The following ARID1B variants were observed in gnomAD, a reference collection of about 807,000 sequenced individuals.
ARID1B encodes AT-rich interactive domain-containing protein 1B.
In ARID1B, 30 loss-of-function variants were observed where a neutral mutation model predicts 212.3. The ratio of observed to expected loss-of-function variants is 0.14; its 90% CI spans 0.11 to 0.19. The LOEUF is 0.19. Ranked by LOEUF, ARID1B falls within the 10% of genes least tolerant of loss-of-function variation. The pLI is 1.00. For synonymous variants in ARID1B, 1,402 were observed against 1,301.7 expected (o/e 1.08, Z -1.66); for missense variants, 2,891 against 3,204.0 (o/e 0.90, Z 2.36).
intron 3 of ARID1B, among the ~76,000 whole-genome samples, chr6:156,921,608 C>G (rs1038711864): frequency 2.0e-5 from 3 of 152,052 alleles, no homozygotes; most frequent in Admixed American, 1.3e-4. Flanking sequence ...TAATTGGATG[C>G]TAAGTTCTTT....
At chr6:156,838,639 A>C (rs1305237555) in intron 2 of ARID1B, among the ~76,000 whole-genome samples, 1 of 151,914 alleles carries the variant, frequency 6.6e-6, no homozygotes, top group Non-Finnish European at 1.5e-5. Flanking sequence ...GGGTGCAGCA[A>C]ACCAACATGG....
chr6:156,952,465 G>C (rs1793659107), intron 4 of ARID1B, among the ~76,000 whole-genome samples: 1 of 152,234 alleles, frequency 6.6e-6, no homozygotes, highest in African/African-American at 2.4e-5. Flanking sequence ...GCTAGCAGGG[G>C]TGGTGGGGAC....
chr6:156,877,452 T>C (rs2128159454), intron 2 of ARID1B, among the ~76,000 whole-genome samples: 1 of 152,330 alleles, frequency 6.6e-6, no homozygotes, highest in South Asian at 2.1e-4. Flanking sequence ...GGTGTCTCTT[T>C]CTCCGTGCTT....
chr6:157,048,900 G>A (rs1199708723), intron 4 of ARID1B, among the ~76,000 whole-genome samples: 3 of 152,170 alleles, frequency 2.0e-5, no homozygotes, highest in East Asian at 1.9e-4. Context: ...AAGGCCAGGC[G>A]CAGTGGCTCA....
At position 156,971,315 on chromosome 6, in the gene ARID1B, T is replaced by C. The variant is rs540523796; in HGVS notation, c.2247+35739T>C. On this transcript the variant is annotated intron_variant, in intron 4 of 19. Transcript: ENST00000636930. Reference sequence around the variant, plus strand: ...AACCAATTGAACAAAGAGCTCAGCATAGTGCCTTAATCAATTTAGTCCCAT... The same window carrying C: ...AACCAATTGAACAAAGAGCTCAGCACAGTGCCTTAATCAATTTAGTCCCAT... 4.6e-5 allele frequency among the ~76,000 whole-genome samples: 7 copies of C among 152,362 alleles called. No homozygotes were observed. In the South Asian group the frequency reaches 1.4e-3, roughly 32 times the overall value.
At chr6:157,179,746 G>A (rs890931413) in intron 11 of ARID1B, among the ~76,000 whole-genome samples, 2 of 152,218 alleles carry the variant, frequency 1.3e-5, no homozygotes, top group Admixed American at 6.5e-5. Flanking sequence ...TAAAGGGAAA[G>A]CGGCGGCCTC....
rs748455551 is a variant in ARID1B at position 157,203,384 on chromosome 6, G to T, written c.5264-482G>T. Among the ~76,000 whole-genome samples, 1 of 152,248 alleles carries T rather than the reference G, an allele frequency of 6.6e-6. No homozygotes were observed. Among genetic ancestry groups the T allele is most frequent in the Non-Finnish European group, 1.5e-5 (1 of 68,050 alleles). On this transcript the variant is annotated intron_variant, in intron 18 of 19. Transcript: ENST00000636930. The surrounding 1 kb of genome is among the most constrained non-coding windows in gnomAD (Gnocchi z 4.4). ...AAGCAGCCTGGGAAGCCAAGGCCGT[G>T]TGTCTGAGGAGGCTGTCTTGGAGTT...
At chr6:156,834,456 G>A (rs1236652992) in intron 2 of ARID1B, among the ~76,000 whole-genome samples, 6 of 152,074 alleles carry the variant, frequency 3.9e-5, no homozygotes, top group African/African-American at 1.2e-4. Flanking sequence ...GCACATGTAC[G>A]CTCCCACATG....
At chr6:156,834,572 A>G (rs140777863) in intron 2 of ARID1B, among the ~76,000 whole-genome samples, 25 of 152,368 alleles carry the variant, frequency 1.6e-4, no homozygotes, top group African/African-American at 4.6e-4. Flanking sequence ...ATACATATAT[A>G]AACACACAAA....
chr6:156,833,196 A>G (rs1240462341), intron 2 of ARID1B, among the ~76,000 whole-genome samples: 1 of 152,118 alleles, frequency 6.6e-6, no homozygotes, highest in Non-Finnish European at 1.5e-5. Context: ...GGTTACTAGA[A>G]TCTGACTCTG....
Position 157,198,883 on chromosome 6 carries a change from G to T in ARID1B, c.4455G>T (p.Gln1485His). ...GACAGCCGCCGTATGGAGGGCACCAGCCCGGCCTGTACCCACAGCAGCCGG... is the reference window on the plus strand; with the variant it reads ...GACAGCCGCCGTATGGAGGGCACCATCCCGGCCTGTACCCACAGCAGCCGG... ...PSGQPPYGGH[Q>H]PGLYPQQPNY... The change falls in exon 17 of 20, where the codon CAG (glutamine) becomes CAT (histidine). Residue 1485 changes from glutamine to histidine, a missense_variant. Around this residue, in one of 7 missense-constraint regions of ARID1B, gnomAD observed 666 missense variants for 873.5 expected, o/e 0.76. Coordinates refer to ENST00000636930, the MANE Select transcript of ARID1B (RefSeq NM_001374828.1). 1 of 1,607,312 alleles carries T rather than the reference G, an allele frequency of 6.2e-7. No individual in the cohort carries two copies. The highest frequency in any genetic ancestry group is 1.3e-5 in the African/African-American group (1 of 75,018).
intron 4 of ARID1B, among the ~76,000 whole-genome samples, chr6:156,984,230 G>C (rs1327286847): frequency 1.3e-5 from 2 of 152,174 alleles, no homozygotes; most frequent in African/African-American, 4.8e-5. Context: ...GTCCGGTGCA[G>C]CTCCAGAATG....
Position 156,905,250 on chromosome 6 carries a change from G to GCGCGCACACACACA in ARID1B, c.2136+3726_2136+3727insGCGCACACACACAC, listed in dbSNP as rs1554265935. Among the ~76,000 whole-genome samples, 153 of 143,838 alleles carry GCGCGCACACACACA rather than the reference G, an allele frequency of 1.1e-3. 1 individual carries two copies. The highest frequency in any genetic ancestry group is 3.8e-3 in the African/African-American group (144 of 38,316). The allele number at this position is 143,838 out of a possible 152,430, so 94.4% of individuals were successfully genotyped here. On this transcript the variant is annotated intron_variant, in intron 3 of 19. Coordinates refer to ENST00000636930, the MANE Select transcript of ARID1B (RefSeq NM_001374828.1). The stretch of plus-strand genomic sequence containing the variant: ...GAATCAATTGTGCTCACATATGCAC[G>GCGCGCACACACACA]CACACACACACACACACACACACAC...
At chr6:156,878,092 C>T (rs1430916285) in intron 2 of ARID1B, among the ~76,000 whole-genome samples, 3 of 152,068 alleles carry the variant, frequency 2.0e-5, no homozygotes, top group South Asian at 2.1e-4. Flanking sequence ...CTTGATCAGG[C>T]GGTTGCCCTT....
At chr6:156,788,054 G>A (rs1176899652) in intron 1 of ARID1B, among the ~76,000 whole-genome samples, 2 of 152,014 alleles carry the variant, frequency 1.3e-5, no homozygotes, top group African/African-American at 4.8e-5. Context: ...CTCATTCTCT[G>A]CCTGGTCCTG....
At chr6:156,795,750 C>T (rs1352466263) in intron 1 of ARID1B, among the ~76,000 whole-genome samples, 1 of 152,126 alleles carries the variant, frequency 6.6e-6, no homozygotes, top group East Asian at 1.9e-4. Flanking sequence ...AGACCCTCTG[C>T]GCCCTTCCTT....
chr6:157,085,614 C>G (rs1259601022), intron 5 of ARID1B, among the ~76,000 whole-genome samples: 1 of 152,072 alleles, frequency 6.6e-6, no homozygotes, highest in Admixed American at 6.5e-5. Flanking sequence ...AACTAGCTTT[C>G]CTTTATCACC....
intron 1 of ARID1B, among the ~76,000 whole-genome samples, chr6:156,795,342 G>A (rs2115257490): frequency 6.6e-6 from 1 of 152,256 alleles, no homozygotes; most frequent in Non-Finnish European, 1.5e-5. Flanking sequence ...AATAAGGGAA[G>A]GGAGGCCGGA....
At chr6:156,787,749 T>C (rs1779741043) in intron 1 of ARID1B, among the ~76,000 whole-genome samples, 1 of 152,084 alleles carries the variant, frequency 6.6e-6, no homozygotes, top group Non-Finnish European at 1.5e-5. Context: ...GTTTGCTGTG[T>C]ATTAGTTTAT....
Sources: allele counts gnomAD v4.1 joint callset (sites outside exome capture counted in the v4.1 genomes callset), GRCh38; gene constraint gnomAD v4.1.1; regional missense constraint gnomAD v4.1.1; non-coding constraint Gnocchi (gnomAD v3.1); transcripts MANE v1.5; gene names NCBI Gene and HGNC (gene_info 2026-07-23, HGNC 2026-07-21).